ZNF735: variants seen among roughly 807,000 people sequenced by gnomAD.
The protein encoded by ZNF735 is putative zinc finger protein 735.
A neutral mutation model predicts 13.4 loss-of-function variants in ZNF735; 11 were observed. That is an observed-to-expected ratio of 0.82 (90% CI 0.52 to 1.36). The LOEUF (loss-of-function observed/expected upper bound fraction) is 1.36, where lower values mean the gene tolerates loss of function less well. Ranked by LOEUF, ZNF735 falls within the 40% of genes most tolerant of loss-of-function variation. The probability of loss-of-function intolerance (pLI) is 0.00; values close to 1 mark genes in which losing one functional copy is unlikely to be tolerated. For missense variants in ZNF735, 500 were observed against 484.6 expected (o/e 1.03, Z -0.30); for synonymous variants, 171 against 162.6 (o/e 1.05, Z -0.39).
At chr7:64,215,702 G>T (rs1400158786) in intron 3 of ZNF735, among the ~76,000 whole-genome samples, 6 of 151,026 alleles carry the variant, frequency 4.0e-5, no homozygotes, top group Admixed American at 3.3e-4. Flanking sequence ...TTTGTATATG[G>T]TGCAATTAAA....
chr7:64,215,072 T>C (rs1316675557), intron 3 of ZNF735, among the ~76,000 whole-genome samples: 1 of 151,890 alleles, frequency 6.6e-6, no homozygotes, highest in African/African-American at 2.4e-5. Flanking sequence ...TTTCTTTTTT[T>C]TTTTTTGAAA....
At chr7:64,211,888 AAAAT>A (rs1420874249) in intron 1 of ZNF735, among the ~76,000 whole-genome samples, 19 of 99,702 alleles carry the variant, frequency 1.9e-4, no homozygotes, top group South Asian at 1.3e-3. Context: ...AAAAAGAAAA[AAAAT>A]ATATATATAT....
intron 1 of ZNF735, 28 bp from the exon 2 acceptor site, chr7:64,213,064 T>C (rs1229781356): frequency 6.3e-6 from 10 of 1,594,116 alleles, no homozygotes; most frequent in South Asian, 5.6e-5. Context: ...AAGTGTGTGT[T>C]CATGAGGTTT....
chr7:64,216,568 G>C (rs1787424642), intron 3 of ZNF735, among the ~76,000 whole-genome samples: 1 of 151,322 alleles, frequency 6.6e-6, no homozygotes, highest in African/African-American at 2.4e-5. Flanking sequence ...ATTGAGCTTT[G>C]ATTAGAAAAC....
chr7:64,219,360 A>C (rs1235704881), exon 4 of ZNF735: 17 of 1,613,698 alleles, frequency 1.1e-5, no homozygotes, highest in Non-Finnish European at 1.4e-5. Flanking sequence ...AGCAGAGCAT[A>C]AAAGATTCAC....
At chr7:64,214,169 C>A in intron 3 of ZNF735, 61 bp downstream of exon 3, 1 of 1,538,922 alleles carries the variant, frequency 6.5e-7, no homozygotes, top group Non-Finnish European at 8.8e-7. Context: ...AAGGAGGTAG[C>A]CAGTCTTTAA....
chr7:64,216,246 A>G lies in ZNF735; in HGVS notation c.262+2138A>G, dbSNP rs566834994. The stretch of plus-strand genomic sequence containing the variant: ...AGGAGGTGGCGCTTGCAGTGAGCCA[A>G]GATCGCACCACTTCACTCCAGCCTG... On this transcript the variant is annotated intron_variant, in intron 3 of 3. Coordinates refer to ENST00000429565, the Ensembl canonical transcript of ZNF735. Among the ~76,000 whole-genome samples, 6 of 152,132 alleles carry G rather than the reference A, an allele frequency of 3.9e-5. No individual in the cohort carries two copies. In the East Asian group the frequency reaches 9.7e-4, roughly 25 times the overall value.
At chr7:64,213,342 A>G (rs1562832567) in intron 2 of ZNF735, 124 bp downstream of exon 2, 40 of 979,772 alleles carry the variant, frequency 4.1e-5, no homozygotes, top group Non-Finnish European at 3.3e-5. Flanking sequence ...AATCTTGGGG[A>G]TTCATTGGTG....
chr7:64,214,461 G>T (rs1484511533), intron 3 of ZNF735, among the ~76,000 whole-genome samples: 1 of 151,984 alleles, frequency 6.6e-6, no homozygotes, highest in South Asian at 2.1e-4. Context: ...GAAACTCTAT[G>T]TTAAACCATT....
chr7:64,219,759 T>G (rs1402616115), exon 4 of ZNF735: 5 of 1,610,058 alleles, frequency 3.1e-6, no homozygotes, highest in Non-Finnish European at 4.2e-6. Context: ...GAATTCTTAC[T>G]GGAGAGAAAC....
chr7:64,208,445 C>T lies in ZNF735; in HGVS notation c.39+1204C>T, dbSNP rs191388472. Among the ~76,000 whole-genome samples, 9 of 151,620 alleles carry T rather than the reference C, an allele frequency of 5.9e-5. No individual in the cohort carries two copies. In the East Asian group the frequency reaches 1.2e-3, roughly 20 times the overall value. On this transcript the variant is annotated intron_variant, in intron 1 of 3. Coordinates refer to ENST00000429565, the Ensembl canonical transcript of ZNF735. ...CTAATTTTTGTATTTTTAGTAGAGA[C>T]GGGATTTCACCACGTTGGCCAGGTT... is the stretch of plus-strand genomic sequence containing the variant.
intron 3 of ZNF735, 145 bp from the exon 4 acceptor site, chr7:64,219,169 A>G: frequency 9.4e-7 from 1 of 1,062,720 alleles, no homozygotes. Context: ...TGTTACATTT[A>G]TATATCTATG....
intron 1 of ZNF735, among the ~76,000 whole-genome samples, chr7:64,208,704 A>G (rs1338523988): frequency 2.6e-5 from 4 of 151,976 alleles, no homozygotes; most frequent in Admixed American, 2.6e-4. Context: ...TTGTTTTCTG[A>G]TTTTCTTCGT....
intron 1 of ZNF735, among the ~76,000 whole-genome samples, chr7:64,210,285 CA>C (rs1383592815): frequency 6.6e-6 from 1 of 152,042 alleles, no homozygotes; most frequent in East Asian, 1.9e-4. Context: ...AAAAAGCCAA[CA>C]AAAAAATATA....
At position 64,219,947 on chromosome 7, in the gene ZNF735, G is replaced by C; in HGVS notation, c.896G>C (p.Cys299Ser). The C allele has an allele frequency of 1.9e-6, 3 of 1,613,964 alleles. No individual in the cohort carries two copies. The South Asian group carries it at 3.3e-5, about 18-fold the overall frequency. The change falls in exon 4 of 4, where the codon TGT (cysteine) becomes TCT (serine). Residue 299 changes from cysteine (C) to serine (S), a missense_variant. Coordinates refer to ENST00000429565, the Ensembl canonical transcript of ZNF735. ...CATACTGGAGAGAGACCCTACAAAT[G>C]TGAAGAATGTGGCAAAGCCTTTAGC...
At chr7:64,216,411 G>A (rs1298205166) in intron 3 of ZNF735, among the ~76,000 whole-genome samples, 3 of 152,072 alleles carry the variant, frequency 2.0e-5, no homozygotes, top group East Asian at 1.9e-4. Flanking sequence ...AACAAATTAA[G>A]TTGTCACTTA....
intron 1 of ZNF735, among the ~76,000 whole-genome samples, chr7:64,211,592 G>A (rs1164514502): frequency 1.3e-5 from 2 of 151,972 alleles, no homozygotes; most frequent in Admixed American, 1.3e-4. Flanking sequence ...GGTCAGTCAC[G>A]GTGGCTCAGG....
In ZNF735 at chr7:64,214,044, C is replaced by A. The variant is rs1467458864; in HGVS notation, c.198C>A (p.Ala66=). The A allele has an allele frequency of 3.8e-6, 6 of 1,599,824 alleles. No homozygotes were observed. In the African/African-American group the frequency reaches 4.0e-5, roughly 11 times the overall value. ...CTGTCTCTAAGCCAGACTTGATCGC[C>A]TGTCTGGAGCAAAATAAAGAGCCCC... Residue 66 remains alanine, a synonymous_variant, in exon 3 of 4, where the codon GCC becomes GCA. Transcript: ENST00000429565.
At chr7:64,218,355 G>C (rs193112912) in intron 3 of ZNF735, among the ~76,000 whole-genome samples, 55 of 149,572 alleles carry the variant, frequency 3.7e-4, no homozygotes, top group Admixed American at 3.3e-3. Flanking sequence ...TTATCTTCTG[G>C]TTTGTGATTT....
Sources: allele counts gnomAD v4.1 joint callset (sites outside exome capture counted in the v4.1 genomes callset), GRCh38; gene constraint gnomAD v4.1.1; transcripts MANE v1.5; gene names NCBI Gene and HGNC (gene_info 2026-07-23, HGNC 2026-07-21).